The following ATP2A3 variants were observed in gnomAD, a reference collection of about 807,000 sequenced individuals.
ATP2A3 encodes sarcoplasmic/endoplasmic reticulum calcium ATPase 3.
ATP2A3 carries 61 observed loss-of-function variants against 106.8 expected under a neutral mutation model. That is an observed-to-expected ratio of 0.57 (90% CI 0.46 to 0.71). The LOEUF (loss-of-function observed/expected upper bound fraction) is 0.71, where lower values mean the gene tolerates loss of function less well. Among genes scored for constraint, ATP2A3 ranks in the 30% least tolerant of loss-of-function variants. ATP2A3 has a pLI of 0.00. For missense variants in ATP2A3, 1,201 were observed against 1,423.5 expected (o/e 0.84, Z 2.52); for synonymous variants, 611 against 609.3 (o/e 1.00, Z -0.04).
At chr17:3,949,588 G>A (rs898991016) in intron 7 of ATP2A3, among the ~76,000 whole-genome samples, 23 of 152,196 alleles carry the variant, frequency 1.5e-4, no homozygotes, top group African/African-American at 5.1e-4. Context: ...GTCTGAGTTC[G>A]TCCCAGCTGT....
In ATP2A3 at chr17:3,927,812, A is replaced by G; in HGVS notation, c.2980+851T>C. 5.1e-6 allele frequency: 5 copies of G among 985,354 alleles called. No individual in the cohort carries two copies. The South Asian group carries it at 2.3e-4, about 46-fold the overall frequency. The allele number at this position is 985,354 out of a possible 1,614,324, so 61.0% of individuals were successfully genotyped here. The stretch of plus-strand genomic sequence containing the variant: ...AATGACAGACGCGTGATCTATTTAT[A>G]GTCCCTCCACCCACTCCCCTGGGGC... On this transcript the variant is annotated intron_variant, in intron 20 of 20. Coordinates refer to ENST00000397041, the MANE Select transcript of ATP2A3 (RefSeq NM_005173.4).
At position 3,925,467 on chromosome 17, in the gene ATP2A3, T is replaced by G; in HGVS notation, c.2981-26A>C. ...CTGGAAGAAAAACCCAAGAGCGCGT[T>G]AAGATGTATGTGTAAGGGCACACAT... On this transcript the variant is annotated intron_variant, in intron 20 of 20. Transcript: ENST00000397041. The surrounding 1 kb of genome is among the most constrained non-coding windows in gnomAD (Gnocchi z 4.2). 6.2e-7 allele frequency: 1 copy of G among 1,609,170 alleles called. No homozygotes were observed. Among genetic ancestry groups the G allele is most frequent in the South Asian group, 1.1e-5 (1 of 90,308 alleles).
chr17:3,945,810 A>T (rs998199676), intron 8 of ATP2A3, among the ~76,000 whole-genome samples: 3 of 152,104 alleles, frequency 2.0e-5, no homozygotes, highest in Non-Finnish European at 4.4e-5. Context: ...TTCTCAAGCA[A>T]ATGGCCAGCC....
At chr17:3,927,672 C>T in intron 20 of ATP2A3, 1 of 985,048 alleles carries the variant, frequency 1.0e-6, no homozygotes, top group Non-Finnish European at 1.2e-6. Flanking sequence ...CCACCCCCAC[C>T]CATTGGCCCC....
intron 8 of ATP2A3, chr17:3,945,518 A>T (rs1165786961): frequency 5.0e-6 from 1 of 198,328 alleles, no homozygotes; most frequent in Non-Finnish European, 1.0e-5. Context: ...CAGTTTCTCC[A>T]CTAGTAACAT....
chr17:3,961,216 G>C (rs559639593), intron 1 of ATP2A3, among the ~76,000 whole-genome samples: 6 of 152,180 alleles, frequency 3.9e-5, no homozygotes, highest in African/African-American at 1.2e-4. Flanking sequence ...ACGGGGCGGA[G>C]AATTTACTGT....
At chr17:3,940,210 T>C (rs141552436) in intron 14 of ATP2A3, among the ~76,000 whole-genome samples, 1 of 152,104 alleles carries the variant, frequency 6.6e-6, no homozygotes, top group East Asian at 1.9e-4. Flanking sequence ...TGCATGTTCC[T>C]AAACTCATCA....
At position 3,925,311 on chromosome 17, in the gene ATP2A3, G is replaced by C. The variant is rs1340842929; in HGVS notation, c.*111C>G. 10 of 1,586,500 alleles carry C rather than the reference G, an allele frequency of 6.3e-6. No homozygotes were observed. The highest frequency in any genetic ancestry group is 7.8e-6 in the Non-Finnish European group (9 of 1,160,088). ...CTCGGGCCTGTCATTTATCCGGCGG[G>C]ACCCGGTGGGCAAGTGGGCGAGTGT... On this transcript the variant is annotated 3_prime_UTR_variant, in exon 21 of 21. Coordinates refer to ENST00000397041, the MANE Select transcript of ATP2A3 (RefSeq NM_005173.4). The surrounding 1 kb of genome is among the most constrained non-coding windows in gnomAD (Gnocchi z 4.2).
intron 1 of ATP2A3, among the ~76,000 whole-genome samples, chr17:3,962,436 T>C (rs1424443125): frequency 6.6e-6 from 1 of 152,108 alleles, no homozygotes. Flanking sequence ...TCAGTGAACA[T>C]CAGCTTTTAT....
At chr17:3,927,474 T>C (rs2144193191) in intron 20 of ATP2A3, 7 of 984,526 alleles carry the variant, frequency 7.1e-6, no homozygotes, top group Non-Finnish European at 8.4e-6. Flanking sequence ...GAGGCCTGGC[T>C]GTGCAGGTGA....
Position 3,947,376 on chromosome 17 carries a change from C to T in ATP2A3, c.1095+15G>A, listed in dbSNP as rs1207393514. 6.2e-7 allele frequency: 1 copy of T among 1,613,638 alleles called. No homozygotes were observed. Among genetic ancestry groups the T allele is most frequent in the East Asian group, 2.2e-5 (1 of 44,888 alleles). On this transcript the variant is annotated intron_variant, in intron 8 of 20. Transcript: ENST00000397041. The surrounding 1 kb of genome is among the most constrained non-coding windows in gnomAD (Gnocchi z 7.7). ...CTCTGCAACGCACAGCAACACCAAG[C>T]TGGCCGTCACTCACCCGGCAGACAG...
chr17:3,957,626 TC>T lies in ATP2A3; in HGVS notation c.119-3917del, dbSNP rs112231275. ...AACCCTGAAGGACCCAATTCTCCCC[TC>T]GCATGAATGAGCCCCAGGGTGATGG... On this transcript the variant is annotated intron_variant, in intron 1 of 20. Transcript: ENST00000397041. 8.2e-4 allele frequency among the ~76,000 whole-genome samples: 125 copies of T among 152,282 alleles called. 1 individual carries two copies. The highest frequency in any genetic ancestry group is 2.9e-3 in the African/African-American group (119 of 41,556).
intron 7 of ATP2A3, among the ~76,000 whole-genome samples, chr17:3,949,127 CAAAAAA>C (rs869265323): frequency 2.0e-4 from 12 of 60,014 alleles, no homozygotes; most frequent in East Asian, 1.3e-3. Context: ...GACTCTGTCT[CAAAAAA>C]AAAAAAAAAA....
chr17:3,941,751 A>T, intron 12 of ATP2A3, 97 bp from the exon 13 acceptor site: 1 of 1,311,658 alleles, frequency 7.6e-7, no homozygotes, highest in African/African-American at 1.5e-5. Flanking sequence ...AGATACGGGC[A>T]AAGGCCACCC....
intron 20 of ATP2A3, chr17:3,927,435 G>A: frequency 1.0e-6 from 1 of 984,542 alleles, no homozygotes; most frequent in Non-Finnish European, 1.2e-6. Context: ...TGGCTCTGCA[G>A]GTGAGTGAGT....
chr17:3,951,191 T>TA (rs1191593554), intron 5 of ATP2A3, 60 bp downstream of exon 5: 4 of 1,185,092 alleles, frequency 3.4e-6, no homozygotes, highest in Non-Finnish European at 4.3e-6. Flanking sequence ...AATAAATAAA[T>TA]AAATAAAATA....
chr17:3,935,238 C>G lies in ATP2A3; in HGVS notation c.2564G>C (p.Trp855Ser). The G allele has an allele frequency of 6.2e-7, 1 of 1,613,854 alleles. No homozygotes were observed. Among genetic ancestry groups the G allele is most frequent in the Non-Finnish European group, 8.5e-7 (1 of 1,180,032 alleles). ...GLATVAAATW[W>S]FVYDAEGPHI... is the part of the protein sequence containing the mutation. ...AGGTCCCTCGGCGTCATACACAAAC[C>G]ACCAGGTGGCGGCAGCCACTGTGGC... The change falls in exon 17 of 21, where the codon TGG becomes TCG. Residue 855 changes from tryptophan to serine, a missense_variant. Transcript: ENST00000397041.
chr17:3,934,668 C>G (rs8077445), intron 17 of ATP2A3, among the ~76,000 whole-genome samples: 27 of 151,968 alleles, frequency 1.8e-4, no homozygotes, highest in Admixed American at 1.6e-3. Context: ...GGATTACAGG[C>G]GTGCACCACC....
chr17:3,962,810 G>A (rs543121468), intron 1 of ATP2A3, among the ~76,000 whole-genome samples: 7 of 152,320 alleles, frequency 4.6e-5, no homozygotes, highest in African/African-American at 1.7e-4. Flanking sequence ...CAGGAATCAG[G>A]ATTCCCAAGC....
Sources: gnomAD v4.1 joint callset for allele counts (sites outside exome capture counted in the v4.1 genomes callset) on GRCh38, gnomAD v4.1.1 for gene constraint, Gnocchi (gnomAD v3.1) non-coding constraint, MANE v1.5 for transcripts, NCBI Gene and HGNC (gene_info 2026-07-23, HGNC 2026-07-21) for gene names.